Variants in PDE6C observed in about 807,000 individuals in gnomAD.
The protein encoded by PDE6C is cone cGMP-specific 3',5'-cyclic phosphodiesterase subunit alpha'.
Under a neutral mutation model 113.1 loss-of-function variants are expected in PDE6C, and 75 were observed. That is an observed-to-expected ratio of 0.66 (90% CI 0.55 to 0.80). PDE6C has a LOEUF of 0.80. Ranked by LOEUF, PDE6C falls within the 30% of genes least tolerant of loss-of-function variation. PDE6C has a pLI of 0.00. For missense variants in PDE6C, 912 were observed against 1,038.6 expected (o/e 0.88, Z 1.67); for synonymous variants, 375 against 363.7 (o/e 1.03, Z -0.35).
rs141541227 is a variant in PDE6C at position 93,655,280 on chromosome 10, G to A, written c.1936-480G>A. 2.8e-4 allele frequency among the ~76,000 whole-genome samples: 43 copies of A among 152,130 alleles called. No individual in the cohort carries two copies. The Middle Eastern group carries it at 0.01, about 36-fold the overall frequency. On this transcript the variant is annotated intron_variant, in intron 15 of 21. Transcript: ENST00000371447. ...TCATTATTTTTTCCTACATATACAC[G>A]AATATGAGTGTAATTTGCAATTTCT...
At position 93,636,879 on chromosome 10, in the gene PDE6C, C is replaced by T. The variant is rs187022415; in HGVS notation, c.1414-116C>T. 1.1e-3 allele frequency: 773 copies of T among 696,402 alleles called. 4 individuals are homozygous for T. In the African/African-American group the frequency reaches 0.012, roughly 11 times the overall value. The allele number at this position is 696,402 out of a possible 1,614,324, so 43.1% of individuals were successfully genotyped here. A position where few individuals can be genotyped will look rare whatever the true frequency, so the allele number is the denominator to read the frequency against. Reference sequence around the variant, plus strand: ...AACTCCTGGGCTCCAGGGATCTTCCCGCCTCTTCCTCCCACATATTTTAAA... The same window carrying T: ...AACTCCTGGGCTCCAGGGATCTTCCTGCCTCTTCCTCCCACATATTTTAAA... On this transcript the variant is annotated intron_variant, in intron 10 of 21. Coordinates refer to ENST00000371447, the MANE Select transcript of PDE6C (RefSeq NM_006204.4).
At chr10:93,644,642 G>A (rs2058574368) in intron 14 of PDE6C, among the ~76,000 whole-genome samples, 1 of 151,282 alleles carries the variant, frequency 6.6e-6, no homozygotes, top group Non-Finnish European at 1.5e-5. Flanking sequence ...TTGAACAGTA[G>A]GTCTTATTTC....
At chr10:93,639,087 C>T (rs974149993) in intron 11 of PDE6C, among the ~76,000 whole-genome samples, 13 of 152,210 alleles carry the variant, frequency 8.5e-5, no homozygotes, top group Non-Finnish European at 1.8e-4. Flanking sequence ...ATCTCTCCTG[C>T]AGATCTGTCT....
chr10:93,629,577 T>G (rs2134601805), intron 8 of PDE6C, among the ~76,000 whole-genome samples: 1 of 152,210 alleles, frequency 6.6e-6, no homozygotes, highest in East Asian at 1.9e-4. Flanking sequence ...TCCCCAACCT[T>G]TTTGGCACCA....
rs187316135 is a variant in PDE6C at position 93,659,483 on chromosome 10, C to T, written c.2208+316C>T. The stretch of plus-strand genomic sequence containing the variant: ...ATGCTGCTGCTAATAAAGACATACC[C>T]GAGACTGGGTAATTTATAAAGGAAA... On this transcript the variant is annotated intron_variant, in intron 18 of 21. Transcript: ENST00000371447. Among the ~76,000 whole-genome samples, 94 of 152,120 alleles carry T rather than the reference C, an allele frequency of 6.2e-4. 1 individual carries two copies. The highest frequency in any genetic ancestry group is 4.2e-4 in the South Asian group (2 of 4,818).
At chr10:93,639,460 A>G (rs1347506324) in intron 11 of PDE6C, among the ~76,000 whole-genome samples, 2 of 152,222 alleles carry the variant, frequency 1.3e-5, no homozygotes, top group Non-Finnish European at 2.9e-5. Context: ...GAGTTAAATG[A>G]AATGTCTGCA....
chr10:93,663,729 T>C (rs2058677305), intron 21 of PDE6C, among the ~76,000 whole-genome samples: 2 of 152,214 alleles, frequency 1.3e-5, no homozygotes, highest in South Asian at 4.1e-4. Flanking sequence ...CTGTGCCATT[T>C]TTTTTCTGGC....
In PDE6C at chr10:93,612,786, A is replaced by G. The variant is rs755079486; in HGVS notation, c.61A>G (p.Lys21Glu). The stretch of plus-strand genomic sequence containing the variant: ...CCTGGAGGAGAACCCTCAGTTTGCC[A>G]AGGAGTACTTTGACAGGAAGTTGCG... ...KYLEENPQFA[K>E]EYFDRKLRVE... The change falls in exon 1 of 22, where the codon AAG becomes GAG. Residue 21 changes from lysine to glutamate, a missense_variant. Transcript: ENST00000371447. 8.7e-6 allele frequency: 14 copies of G among 1,614,082 alleles called. No homozygotes were observed. The highest frequency in any genetic ancestry group is 1.3e-5 in the African/African-American group (1 of 74,932).
chr10:93,651,985 A>G (rs536342836), intron 15 of PDE6C, among the ~76,000 whole-genome samples: 2 of 152,208 alleles, frequency 1.3e-5, no homozygotes, highest in South Asian at 4.1e-4. Context: ...CTAAACAAAC[A>G]AAAAACCCAA....
At position 93,661,467 on chromosome 10, in the gene PDE6C, C is replaced by T. The variant is rs573093960; in HGVS notation, c.2209-592C>T. Among the ~76,000 whole-genome samples, 24 of 152,294 alleles carry T rather than the reference C, an allele frequency of 1.6e-4. No individual in the cohort carries two copies. The South Asian group carries it at 5.0e-3, about 32-fold the overall frequency. On this transcript the variant is annotated intron_variant, in intron 18 of 21. Transcript: ENST00000371447. The stretch of plus-strand genomic sequence containing the variant: ...TACACTATTATTGTTACAGCACTTA[C>T]CACACTGTATACATGACTGTCTTCG...
intron 5 of PDE6C, 93 bp downstream of exon 5, chr10:93,625,742 A>T (rs2058470430): frequency 2.4e-6 from 2 of 829,962 alleles, no homozygotes; most frequent in Non-Finnish European, 4.1e-6. Flanking sequence ...GCCTGGGAAG[A>T]CCTGGAGTAG....
At chr10:93,634,962 G>A in intron 9 of PDE6C, 55 bp downstream of exon 9, 1 of 1,566,872 alleles carries the variant, frequency 6.4e-7, no homozygotes, top group Non-Finnish European at 8.8e-7. Context: ...ATAAGAGAGG[G>A]CACGTAATTA....
chr10:93,629,287 T>G lies in PDE6C; in HGVS notation c.1101T>G (p.Asp367Glu), dbSNP rs556892228. The G allele has an allele frequency of 2.6e-5, 42 of 1,611,404 alleles. No homozygotes were observed. Among genetic ancestry groups the G allele is most frequent in the Non-Finnish European group, 3.6e-5 (42 of 1,177,502 alleles). The change falls in exon 8 of 22, where the codon GAT becomes GAG. Residue 367 changes from aspartate (D) to glutamate (E), a missense_variant. Physicochemically the swap from Asp to Glu is conservative, Grantham distance 45. Transcript: ENST00000371447. ...FICNMMNAPA[D>E]EYFTFQKGPV... ...GTAACATGATGAATGCCCCTGCGGATGAATACTTCACATTTCAGGTAACTG... is the reference window on the plus strand; with the variant it reads ...GTAACATGATGAATGCCCCTGCGGAGGAATACTTCACATTTCAGGTAACTG...
At chr10:93,635,398 T>C (rs1589697988) in intron 9 of PDE6C, 99 bp from the exon 10 acceptor site, 1 of 890,346 alleles carries the variant, frequency 1.1e-6, no homozygotes, top group South Asian at 1.4e-5. Context: ...GGGTGGTTGA[T>C]GATGGAAGGG....
At chr10:93,635,194 C>T (rs772552889) in intron 9 of PDE6C, among the ~76,000 whole-genome samples, 6 of 152,052 alleles carry the variant, frequency 3.9e-5, no homozygotes, top group Admixed American at 1.3e-4. Context: ...CTTCCTGTTC[C>T]CTCTCATTCT....
chr10:93,618,754 G>A (rs1344021512), intron 1 of PDE6C, among the ~76,000 whole-genome samples: 1 of 152,198 alleles, frequency 6.6e-6, no homozygotes, highest in South Asian at 2.1e-4. Context: ...GTGATTCTGA[G>A]GCATATCTCA....
At chr10:93,661,915 T>A (rs1293367769) in intron 18 of PDE6C, 144 bp from the exon 19 acceptor site, 1 of 698,454 alleles carries the variant, frequency 1.4e-6, no homozygotes, top group Non-Finnish European at 2.6e-6. Flanking sequence ...GTAAATGACC[T>A]CTTTTTAAAA....
At chr10:93,642,128 G>A (rs1196183072) in intron 14 of PDE6C, among the ~76,000 whole-genome samples, 1 of 152,162 alleles carries the variant, frequency 6.6e-6, no homozygotes, top group African/African-American at 2.4e-5. Context: ...CACTTTGGGA[G>A]GCTGAGGAGG....
intron 15 of PDE6C, among the ~76,000 whole-genome samples, chr10:93,646,253 G>A (rs1337490281): frequency 6.6e-6 from 1 of 152,160 alleles, no homozygotes; most frequent in African/African-American, 2.4e-5. Flanking sequence ...AGAGAGCCAT[G>A]GAAAGTCACA....
Sources: gnomAD v4.1 joint callset for allele counts (sites outside exome capture counted in the v4.1 genomes callset) on GRCh38, gnomAD v4.1.1 for gene constraint, MANE v1.5 for transcripts, NCBI Gene and HGNC (gene_info 2026-07-23, HGNC 2026-07-21) for gene names.